SCEL: variants seen among roughly 807,000 people sequenced by gnomAD.
The protein encoded by SCEL is sciellin.
SCEL carries 113 observed loss-of-function variants against 117.6 expected under a neutral mutation model. The observed-to-expected ratio is 0.96, with a 90% confidence interval of 0.83 to 1.12. The LOEUF is 1.12. Among genes scored for constraint, SCEL ranks in the 50% most tolerant of loss-of-function variants. The pLI is 0.00. For synonymous variants in SCEL, 270 were observed against 256.2 expected, an observed-to-expected ratio of 1.05 and a Z score of -0.51; for missense variants, 785 against 810.8, an observed-to-expected ratio of 0.97 and a Z score of 0.39.
At chr13:77,593,293 T>TGCGCGCGCGC (rs1491396156) in intron 11 of SCEL, among the ~76,000 whole-genome samples, 4 of 53,380 alleles carry the variant, frequency 7.5e-5, no homozygotes, top group East Asian at 8.8e-4. Flanking sequence ...TGTGTGTGTG[T>TGCGCGCGCGC]GTGTCTGTGT....
chr13:77,560,265 TAAAA>T (rs5804913), intron 4 of SCEL, among the ~76,000 whole-genome samples: 1 of 133,178 alleles, frequency 7.5e-6, no homozygotes. Context: ...ACCCTGCCTC[TAAAA>T]AAAAAAAAAA....
intron 10 of SCEL, 55 bp from the exon 11 acceptor site, chr13:77,591,340 A>G: frequency 9.2e-7 from 1 of 1,090,358 alleles, no homozygotes; most frequent in Non-Finnish European, 1.4e-6. Context: ...ATTTCAATTT[A>G]TCAAAAAGTG....
chr13:77,632,756 G>A (rs562210018), intron 28 of SCEL, among the ~76,000 whole-genome samples: 1 of 152,222 alleles, frequency 6.6e-6, no homozygotes, highest in Admixed American at 6.5e-5. Context: ...TCTTCCATAG[G>A]AGAAAGCAAA....
intron 11 of SCEL, among the ~76,000 whole-genome samples, chr13:77,591,791 G>T (rs2086888481): frequency 6.6e-6 from 1 of 152,188 alleles, no homozygotes; most frequent in African/African-American, 2.4e-5. Flanking sequence ...GATGTATAAA[G>T]AGGTGGAAAT....
chr13:77,638,315 T>C (rs770143368), intron 30 of SCEL, among the ~76,000 whole-genome samples: 1 of 152,208 alleles, frequency 6.6e-6, no homozygotes, highest in Non-Finnish European at 1.5e-5. Flanking sequence ...GTCACACCTC[T>C]TTGAGTAGTA....
chr13:77,545,231 A>T (rs977264460), intron 1 of SCEL, among the ~76,000 whole-genome samples: 5 of 152,228 alleles, frequency 3.3e-5, no homozygotes. Context: ...GAAGCTAAAA[A>T]CTTAATTGGA....
At chr13:77,544,262 T>C (rs2083878658) in intron 1 of SCEL, among the ~76,000 whole-genome samples, 1 of 152,228 alleles carries the variant, frequency 6.6e-6, no homozygotes, top group African/African-American at 2.4e-5. Flanking sequence ...CACATCTTTT[T>C]TTCTTTTCTG....
At position 77,594,482 on chromosome 13, in the gene SCEL, G is replaced by A. The variant is rs186781136; in HGVS notation, c.752+909G>A. On this transcript the variant is annotated intron_variant, in intron 12 of 32. Coordinates refer to ENST00000349847, the MANE Select transcript of SCEL (RefSeq NM_144777.3). ...AGCCCTGCCCATTGTTCAAGATCTG[G>A]ATCAAGTGGCACCTTCTCTGTTGTC... 2.0e-3 allele frequency among the ~76,000 whole-genome samples: 308 copies of A among 152,278 alleles called. 1 individual carries two copies. Among genetic ancestry groups the A allele is most frequent in the African/African-American group, 7.2e-3 (298 of 41,564 alleles).
At chr13:77,568,586 CTTT>C (rs2085418491) in intron 7 of SCEL, among the ~76,000 whole-genome samples, 1 of 152,120 alleles carries the variant, frequency 6.6e-6, no homozygotes, top group African/African-American at 2.4e-5. Context: ...CTTTCTTCTT[CTTT>C]ATTAAAATCT....
intron 4 of SCEL, among the ~76,000 whole-genome samples, chr13:77,563,624 CT>C (rs2085110240): frequency 6.6e-6 from 1 of 152,046 alleles, no homozygotes. Context: ...AGAGAAGAAT[CT>C]TTTATTAGCA....
chr13:77,634,587 A>G, intron 29 of SCEL, 137 bp downstream of exon 29: 1 of 554,964 alleles, frequency 1.8e-6, no homozygotes, highest in Non-Finnish European at 3.2e-6. Context: ...AGTTCTATAT[A>G]TATATAATTC....
chr13:77,580,639 A>G (rs2086215400), intron 9 of SCEL, among the ~76,000 whole-genome samples: 1 of 152,222 alleles, frequency 6.6e-6, no homozygotes, highest in African/African-American at 2.4e-5. Context: ...TGGAAGCCAA[A>G]CTAAAGTACT....
At chr13:77,604,151 G>T (rs1162643784) in intron 18 of SCEL, 2 of 373,910 alleles carry the variant, frequency 5.3e-6, no homozygotes, top group South Asian at 4.9e-5. Flanking sequence ...CAAAAAATCA[G>T]ATTTATTACT....
chr13:77,567,874 C>T (rs991806733), intron 6 of SCEL, 126 bp downstream of exon 6: 11 of 627,884 alleles, frequency 1.8e-5, no homozygotes, highest in Non-Finnish European at 2.8e-5. Flanking sequence ...TATCATTACT[C>T]CTGTTCATGG....
chr13:77,564,379 A>G (rs1430066162), intron 5 of SCEL, among the ~76,000 whole-genome samples: 2 of 152,092 alleles, frequency 1.3e-5, no homozygotes, highest in Admixed American at 6.5e-5. Context: ...AGAAGGTGAA[A>G]ATACTCTTTT....
chr13:77,619,874 C>A (rs982095937), intron 27 of SCEL, among the ~76,000 whole-genome samples: 2 of 152,120 alleles, frequency 1.3e-5, no homozygotes, highest in African/African-American at 2.4e-5. Flanking sequence ...CCCTTCCCAA[C>A]CCCTTTCCTC....
intron 9 of SCEL, 79 bp downstream of exon 9, chr13:77,572,268 G>A: frequency 6.1e-6 from 7 of 1,144,712 alleles, no homozygotes; most frequent in Admixed American, 3.8e-5. Flanking sequence ...TATAATTGTG[G>A]ATGTTTTGGG....
At chr13:77,591,147 A>G (rs1266476612) in intron 10 of SCEL, among the ~76,000 whole-genome samples, 2 of 152,148 alleles carry the variant, frequency 1.3e-5, no homozygotes, top group Non-Finnish European at 2.9e-5. Context: ...CAACATAAAC[A>G]TATTTAGAAC....
At chr13:77,554,454 C>T (rs754795049) in intron 1 of SCEL, among the ~76,000 whole-genome samples, 22 of 152,162 alleles carry the variant, frequency 1.4e-4, no homozygotes, top group Non-Finnish European at 3.1e-4. Flanking sequence ...CAGAAACAGA[C>T]CCCAAGGAAA....
Sources: allele counts gnomAD v4.1 joint callset (sites outside exome capture counted in the v4.1 genomes callset), GRCh38; gene constraint gnomAD v4.1.1; transcripts MANE v1.5; gene names NCBI Gene and HGNC (gene_info 2026-07-23, HGNC 2026-07-21).